The following AKAP6 variants were observed in gnomAD, a reference collection of about 807,000 sequenced individuals.
AKAP6 encodes the protein A-kinase anchoring protein 6, also known as A-kinase anchor protein 6.
Under a neutral mutation model 188.5 loss-of-function variants are expected in AKAP6, and 58 were observed. That is an observed-to-expected ratio of 0.31 (90% CI 0.25 to 0.38). AKAP6 has a LOEUF of 0.38. AKAP6 is among the 10% of genes least tolerant of loss of function. The pLI is 1.00. For synonymous variants in AKAP6, 989 were observed against 998.6 expected (o/e 0.99, Z 0.18); for missense variants, 2,710 against 2,740.0 (o/e 0.99, Z 0.24).
chr14:32,767,443 C>G (rs2032753660), intron 11 of AKAP6, among the ~76,000 whole-genome samples: 2 of 152,026 alleles, frequency 1.3e-5, no homozygotes, highest in African/African-American at 4.8e-5. Context: ...CACATGCATA[C>G]AAATGTGAAT....
chr14:32,418,976 A>G (rs1322343375), intron 1 of AKAP6, among the ~76,000 whole-genome samples: 2 of 152,142 alleles, frequency 1.3e-5, no homozygotes, highest in Admixed American at 6.6e-5. Flanking sequence ...TACTTGTTCT[A>G]GGGATTATTT....
chr14:32,555,173 A>T (rs1883635930), intron 4 of AKAP6, among the ~76,000 whole-genome samples: 1 of 152,224 alleles, frequency 6.6e-6, no homozygotes, highest in Non-Finnish European at 1.5e-5. Context: ...TCCTCTTTGT[A>T]ACTAGACTGT....
chr14:32,545,753 C>T lies in AKAP6; in HGVS notation c.1100C>T (p.Ala367Val), dbSNP rs1327909385. ...KNQQPVPCENATPKRTIRDCF... is the reference protein window; with the variant it reads ...KNQQPVPCENVTPKRTIRDCF... ...CAGCAGCCTGTTCCTTGTGAAAATG[C>T]AACCCCCAAACGAACCATCAGAGAT... Residue 367 changes from alanine (A) to valine (V), a missense_variant, in exon 4 of 14, where the codon GCA (alanine) becomes GTA (valine). By Grantham distance (64) the Ala-to-Val change is moderately conservative. Coordinates refer to ENST00000280979, the MANE Select transcript of AKAP6 (RefSeq NM_004274.5). 1 of 1,614,068 alleles carries T rather than the reference C, an allele frequency of 6.2e-7. No individual in the cohort carries two copies. The highest frequency in any genetic ancestry group is 2.2e-5 in the East Asian group (1 of 44,890).
At chr14:32,803,571 T>C (rs1447286683) in intron 12 of AKAP6, among the ~76,000 whole-genome samples, 2 of 152,172 alleles carry the variant, frequency 1.3e-5, no homozygotes, top group African/African-American at 4.8e-5. Flanking sequence ...TTCTGACTAC[T>C]CTTATTTTTT....
At chr14:32,484,435 G>A (rs148253201) in intron 2 of AKAP6, 1 of 163,468 alleles carries the variant, frequency 6.1e-6, no homozygotes, top group Non-Finnish European at 8.9e-6. Context: ...AACCTGTTCC[G>A]GCGCCGGCTT....
intron 1 of AKAP6, among the ~76,000 whole-genome samples, chr14:32,334,941 C>CT (rs1886642742): frequency 6.6e-6 from 1 of 152,096 alleles, no homozygotes; most frequent in Non-Finnish European, 1.5e-5. Context: ...AATGTGGAAC[C>CT]TTTATTTTAT....
chr14:32,583,429 G>A (rs55665851), intron 5 of AKAP6, among the ~76,000 whole-genome samples: 36,233 of 152,116 alleles, frequency 0.24, 4,706 homozygotes, highest in East Asian at 0.58. Context: ...TAGGCTGCTC[G>A]GGGGTCAGGG....
chr14:32,537,200 C>T (rs904103892), intron 3 of AKAP6, among the ~76,000 whole-genome samples: 1 of 152,312 alleles, frequency 6.6e-6, no homozygotes. Flanking sequence ...GCCTAGAAGT[C>T]TATAGGAATC....
intron 12 of AKAP6, among the ~76,000 whole-genome samples, chr14:32,801,008 C>G (rs991280889): frequency 3.9e-5 from 6 of 152,138 alleles, no homozygotes; most frequent in African/African-American, 1.2e-4. Flanking sequence ...CAGAGTGACA[C>G]TCTGTCTCAA....
At chr14:32,645,612 G>A (rs575131245) in intron 7 of AKAP6, among the ~76,000 whole-genome samples, 7 of 152,218 alleles carry the variant, frequency 4.6e-5, no homozygotes, top group African/African-American at 1.7e-4. Flanking sequence ...GCACTGCCTA[G>A]AATGAGTGAC....
chr14:32,817,701 T>C (rs1056970647), intron 12 of AKAP6, among the ~76,000 whole-genome samples: 1 of 152,172 alleles, frequency 6.6e-6, no homozygotes, highest in African/African-American at 2.4e-5. Context: ...TTAGATTTTG[T>C]CTAAATTCAT....
At chr14:32,352,766 A>G (rs1887332301) in intron 1 of AKAP6, among the ~76,000 whole-genome samples, 1 of 152,212 alleles carries the variant, frequency 6.6e-6, no homozygotes, top group Non-Finnish European at 1.5e-5. Context: ...ATAATATTCC[A>G]TTGCGTATGT....
At chr14:32,510,467 TATATATATAC>T (rs1566546966) in intron 2 of AKAP6, among the ~76,000 whole-genome samples, 1,897 of 133,364 alleles carry the variant, frequency 0.014, 139 homozygotes, top group African/African-American at 0.054. Context: ...TATGTGTATA[TATATATATAC>T]ATATATATAT....
At position 32,780,157 on chromosome 14, in the gene AKAP6, C is replaced by CATATATATATATGTATATATATATAT; in HGVS notation, c.3588+6276_3588+6277insGTATATATATATATATATATATATAT. Among the ~76,000 whole-genome samples the CATATATATATATGTATATATATATAT allele has an allele frequency of 1.7e-5, 2 of 119,396 alleles. 1 individual carries two copies. The highest frequency in any genetic ancestry group is 6.4e-5 in the African/African-American group (2 of 31,308). 78.3% of individuals were successfully genotyped at this position (119,396 alleles called of 152,430 possible). A position where few individuals can be genotyped will look rare whatever the true frequency, so the allele number is the denominator to read the frequency against. On this transcript the variant is annotated intron_variant, in intron 12 of 13. Coordinates refer to ENST00000280979, the MANE Select transcript of AKAP6 (RefSeq NM_004274.5). The stretch of plus-strand genomic sequence containing the variant: ...TGGAAAAAGAAATTGAAAAAAAAAA[C>CATATATATATATGTATATATATATAT]ATATATATATATATGCATGCTTATA...
In AKAP6 at chr14:32,344,857, A is replaced by G. The variant is rs58345512; in HGVS notation, c.-35+15449A>G. On this transcript the variant is annotated intron_variant, in intron 1 of 13. Transcript: ENST00000280979. ...CTTGAACCTGGGAGGCGGAGGTTGC[A>G]GTGAGCCGAGATAGCACCACTACAC... is the stretch of plus-strand genomic sequence containing the variant. 2.5e-3 allele frequency among the ~76,000 whole-genome samples: 370 copies of G among 150,518 alleles called. 1 individual carries two copies. Among genetic ancestry groups the G allele is most frequent in the African/African-American group, 7.9e-3 (324 of 40,860 alleles).
At chr14:32,802,248 A>G (rs2033971037) in intron 12 of AKAP6, among the ~76,000 whole-genome samples, 1 of 152,134 alleles carries the variant, frequency 6.6e-6, no homozygotes, top group African/African-American at 2.4e-5. Context: ...TTTTGGCTTC[A>G]TTTTGCTTGT....
chr14:32,345,411 A>G (rs1887035559), intron 1 of AKAP6, among the ~76,000 whole-genome samples: 1 of 152,176 alleles, frequency 6.6e-6, no homozygotes, highest in Non-Finnish European at 1.5e-5. Context: ...TGACTTAGCA[A>G]TGAGGGGTTA....
chr14:32,632,796 A>G (rs1226827480), intron 7 of AKAP6, among the ~76,000 whole-genome samples: 1 of 152,150 alleles, frequency 6.6e-6, no homozygotes, highest in Non-Finnish European at 1.5e-5. Context: ...AAAAAATTCC[A>G]AAGAAAGGCT....
chr14:32,468,023 T>C (rs1357753379), intron 2 of AKAP6, among the ~76,000 whole-genome samples: 3 of 152,130 alleles, frequency 2.0e-5, no homozygotes, highest in Non-Finnish European at 2.9e-5. Flanking sequence ...GTTATAGATA[T>C]TGTTGCTTCT....
Sources: gnomAD v4.1 joint callset for allele counts (sites outside exome capture counted in the v4.1 genomes callset) on GRCh38, gnomAD v4.1.1 for gene constraint, MANE v1.5 for transcripts, NCBI Gene and HGNC (gene_info 2026-07-23, HGNC 2026-07-21) for gene names.